The following CD36 variants were observed in gnomAD, a reference collection of about 807,000 sequenced individuals.
CD36 encodes the protein CD36 molecule (CD36 blood group).
CD36 carries 119 observed loss-of-function variants against 55.2 expected under a neutral mutation model. That is an observed-to-expected ratio of 2.15 (90% CI 1.86 to 2.51). CD36 has a LOEUF of 2.51. CD36 is among the 30% of genes most tolerant of loss of function. CD36 has a pLI of 0.00. For synonymous variants in CD36, 186 were observed against 193.6 expected (o/e 0.96, Z 0.33); for missense variants, 819 against 555.5 (o/e 1.47, Z -4.77).
At chr7:80,653,709 CA>C (rs1795800219) in intron 3 of CD36, among the ~76,000 whole-genome samples, 1 of 152,128 alleles carries the variant, frequency 6.6e-6, no homozygotes. Context: ...AATTTAAAAT[CA>C]AGTTCTTTTA....
rs1562810044 is a variant in CD36 at position 80,663,103 on chromosome 7, C to T, written c.543C>T (p.Gly181=). The change falls in exon 6 of 15, where the codon GGC becomes GGT. Residue 181 remains glycine (G), a synonymous_variant. Transcript: ENST00000447544. ...QVRTLRELLW[G]YRDPFLSLVP... Reference sequence around the variant, plus strand: ...GAACTTTGAGAGAACTGTTATGGGGCTATAGGGATCCATTTTTGAGTTTGG... The same window carrying T: ...GAACTTTGAGAGAACTGTTATGGGGTTATAGGGATCCATTTTTGAGTTTGG... 1 of 1,613,496 alleles carries T rather than the reference C, an allele frequency of 6.2e-7. No homozygotes were observed. The highest frequency in any genetic ancestry group is 8.5e-7 in the Non-Finnish European group (1 of 1,179,702).
At chr7:80,669,471 A>G (rs1238688187) in intron 8 of CD36, among the ~76,000 whole-genome samples, 1 of 152,172 alleles carries the variant, frequency 6.6e-6, no homozygotes, top group Admixed American at 6.5e-5. Context: ...CTTGTCGCCC[A>G]GGCTGGAGTG....
intron 1 of CD36, among the ~76,000 whole-genome samples, chr7:80,604,588 A>G (rs779601991): frequency 1.1e-3 from 161 of 151,650 alleles, no homozygotes; most frequent in African/African-American, 3.0e-3. Flanking sequence ...CAAACACTAT[A>G]GTACAAAGAA....
intron 1 of CD36, among the ~76,000 whole-genome samples, chr7:80,644,930 C>T (rs1795045663): frequency 6.6e-6 from 1 of 151,952 alleles, no homozygotes; most frequent in African/African-American, 2.4e-5. Flanking sequence ...CAAAGAAGTT[C>T]AAATAAATGT....
At chr7:80,640,418 T>C (rs1794726378) in intron 1 of CD36, among the ~76,000 whole-genome samples, 11 of 152,028 alleles carry the variant, frequency 7.2e-5, no homozygotes, top group Admixed American at 7.2e-4. Context: ...AATAACATTT[T>C]CTACAATATA....
chr7:80,676,235 G>T (rs528922553), intron 14 of CD36, 149 bp from the exon 15 acceptor site: 4 of 152,150 alleles, frequency 2.6e-5, no homozygotes, highest in African/African-American at 9.6e-5. Flanking sequence ...TGAAGAAATG[G>T]TGGCACTATT....
chr7:80,623,011 T>C (rs1360149045), intron 1 of CD36, among the ~76,000 whole-genome samples: 2 of 152,096 alleles, frequency 1.3e-5, no homozygotes, highest in Non-Finnish European at 2.9e-5. Flanking sequence ...TAGACTTTTT[T>C]TTTTTTTTTA....
At chr7:80,617,343 A>G (rs191569249) in intron 1 of CD36, among the ~76,000 whole-genome samples, 2 of 152,250 alleles carry the variant, frequency 1.3e-5, no homozygotes, top group African/African-American at 4.8e-5. Flanking sequence ...CAGTTTACCT[A>G]TGTAACAAAC....
intron 8 of CD36, 81 bp downstream of exon 8, chr7:80,666,570 G>C (rs897075912): frequency 9.4e-7 from 1 of 1,060,284 alleles, no homozygotes; most frequent in African/African-American, 1.6e-5. Flanking sequence ...ACAGTGTTCT[G>C]AAAGTTGAGG....
rs1035867395 is a variant in CD36, at chr7:80,677,794, A to T, written c.*1411A>T. On this transcript the variant is annotated 3_prime_UTR_variant, in exon 15 of 15. Transcript: ENST00000447544. ...AAACTTCTAAAGATAATTGGATGAG[A>T]ATATACATATTGACCTGTATATTAT... The T allele has an allele frequency of 6.6e-6, 1 of 152,206 alleles. No homozygotes were observed. The highest frequency in any genetic ancestry group is 1.5e-5 in the Non-Finnish European group (1 of 68,036). 9.4% of individuals were successfully genotyped at this position (152,206 alleles called of 1,614,324 possible).
intron 8 of CD36, among the ~76,000 whole-genome samples, chr7:80,668,587 T>C (rs1341798164): frequency 6.6e-6 from 1 of 152,210 alleles, no homozygotes; most frequent in Non-Finnish European, 1.5e-5. Flanking sequence ...GTTGCAGTCA[T>C]TGTCCATGGT....
chr7:80,603,829 G>T (rs187977326), intron 1 of CD36, among the ~76,000 whole-genome samples: 2 of 151,288 alleles, frequency 1.3e-5, no homozygotes, highest in Admixed American at 1.3e-4. Context: ...GACTGCTTAA[G>T]GTTGTAGAGT....
At chr7:80,611,196 T>C (rs34801616) in intron 1 of CD36, among the ~76,000 whole-genome samples, 42,930 of 151,824 alleles carry the variant, frequency 0.28, 6,943 homozygotes, top group South Asian at 0.45. Flanking sequence ...AACAAAATTA[T>C]AATAAAGCTC....
rs779080516 is a variant in CD36 at position 80,674,147 on chromosome 7, A to T, written c.1419A>T (p.Ter473TyrextTer15). Residue 473 changes from the stop codon to tyrosine, a stop_lost and splice_region_variant, in exon 14 of 15, where the codon TAA (stop) becomes TAT (tyrosine). Transcript: ENST00000447544. ...YCACRSKTIK[*>Y] ...CATGCAGATCGAAAACAATAAAATA[A>T]GTAAGTATGTACCAAAAAATATTGC... 6.4e-7 allele frequency: 1 copy of T among 1,560,302 alleles called. No individual in the cohort carries two copies. The highest frequency in any genetic ancestry group is 8.8e-7 in the Non-Finnish European group (1 of 1,137,912).
In CD36 at chr7:80,677,934, A is replaced by G. The variant is rs1798211586; in HGVS notation, c.*1551A>G. 6.6e-6 allele frequency: 1 copy of G among 152,190 alleles called. No homozygotes were observed. The highest frequency in any genetic ancestry group is 6.5e-5 in the Admixed American group (1 of 15,276). The allele number at this position is 152,190 out of a possible 1,614,324, so 9.4% of individuals were successfully genotyped here. A position where few individuals can be genotyped will look rare whatever the true frequency, so the allele number is the denominator to read the frequency against. ...TTTGAATACATGTATAATCTTTATC[A>G]TTCCTCAGTGTTTCATTTCTCAAAT... On this transcript the variant is annotated 3_prime_UTR_variant, in exon 15 of 15. Transcript: ENST00000447544.
At chr7:80,670,799 G>T in intron 9 of CD36, 178 bp from the exon 10 acceptor site, 1 of 601,628 alleles carries the variant, frequency 1.7e-6, no homozygotes, top group Admixed American at 2.9e-5. Flanking sequence ...AATAGTTCAT[G>T]CTTGGCTATT....
chr7:80,631,541 CTGA>C (rs1184147830), intron 1 of CD36, among the ~76,000 whole-genome samples: 1 of 149,912 alleles, frequency 6.7e-6, no homozygotes, highest in Non-Finnish European at 1.5e-5. Context: ...TACTCTACTG[CTGA>C]TAAGTTTGCA....
intron 3 of CD36, among the ~76,000 whole-genome samples, chr7:80,655,618 G>A (rs745578569): frequency 6.6e-6 from 1 of 152,078 alleles, no homozygotes; most frequent in African/African-American, 2.4e-5. Flanking sequence ...TGAGGCTGTT[G>A]TAATTTTTGG....
chr7:80,671,279 A>G (rs1797653740), intron 10 of CD36, 115 bp downstream of exon 10: 1 of 683,850 alleles, frequency 1.5e-6, no homozygotes, highest in Non-Finnish European at 2.5e-6. Context: ...ATAATTTGTG[A>G]TATTCTTTAA....
Sources: gnomAD v4.1 joint callset for allele counts (sites outside exome capture counted in the v4.1 genomes callset) on GRCh38, gnomAD v4.1.1 for gene constraint, MANE v1.5 for transcripts, NCBI Gene and HGNC (gene_info 2026-07-23, HGNC 2026-07-21) for gene names.